The following SUGCT variants were observed in gnomAD, a reference collection of about 807,000 sequenced individuals.
The protein encoded by SUGCT is succinyl-CoA:glutarate CoA-transferase.
Under a neutral mutation model 55.0 loss-of-function variants are expected in SUGCT, and 41 were observed. The ratio of observed to expected loss-of-function variants is 0.74; its 90% CI spans 0.58 to 0.97. The LOEUF (loss-of-function observed/expected upper bound fraction) is 0.97, where lower values mean the gene tolerates loss of function less well. SUGCT is among the 50% of genes least tolerant of loss of function. SUGCT has a pLI of 0.00. For synonymous variants in SUGCT, 187 were observed against 200.4 expected (o/e 0.93, Z 0.56); for missense variants, 568 against 547.8 (o/e 1.04, Z -0.37).
At chr7:41,024,457 A>G in the SUGCT span, among the ~76,000 whole-genome samples, 1 of 152,192 alleles carries the variant, frequency 6.6e-6, no homozygotes, top group South Asian at 2.1e-4. Context: ...ACCAACAAAG[A>G]ATCCATATCT....
At chr7:40,621,372 G>A (rs548960036) in intron 12 of SUGCT, among the ~76,000 whole-genome samples, 2 of 152,312 alleles carry the variant, frequency 1.3e-5, no homozygotes, top group Admixed American at 1.3e-4. Context: ...ATCAGCCAGT[G>A]TGGATATTCT....
At chr7:40,505,117 A>C (rs1792515369) in intron 12 of SUGCT, among the ~76,000 whole-genome samples, 3 of 152,144 alleles carry the variant, frequency 2.0e-5, no homozygotes. Context: ...GTATGAAGGT[A>C]TCTCTAATTC....
At chr7:40,452,595 G>A (rs1301922369) in intron 10 of SUGCT, among the ~76,000 whole-genome samples, 1 of 152,090 alleles carries the variant, frequency 6.6e-6, no homozygotes, top group Non-Finnish European at 1.5e-5. Flanking sequence ...AAGTCTTATT[G>A]GTAGGTGAAC....
intron 13 of SUGCT, among the ~76,000 whole-genome samples, chr7:40,843,355 C>A: frequency 6.6e-6 from 1 of 151,694 alleles, no homozygotes; most frequent in Non-Finnish European, 1.5e-5. Flanking sequence ...ACTAAAAATA[C>A]CAAAATTAGC....
At chr7:40,849,834 A>T (rs897431335) in intron 13 of SUGCT, among the ~76,000 whole-genome samples, 1 of 152,146 alleles carries the variant, frequency 6.6e-6, no homozygotes, top group Middle Eastern at 3.4e-3. Flanking sequence ...TGACTCAGGT[A>T]ACTTTCGACA....
intron 12 of SUGCT, among the ~76,000 whole-genome samples, chr7:40,634,860 TATGA>T (rs1799951686): frequency 6.6e-6 from 1 of 152,220 alleles, no homozygotes; most frequent in African/African-American, 2.4e-5. Context: ...TTGAAATTAA[TATGA>T]ATGAATACAG....
the SUGCT span, among the ~76,000 whole-genome samples, chr7:40,999,550 A>G: frequency 3.9e-5 from 6 of 152,210 alleles, no homozygotes; most frequent in East Asian, 9.6e-4. Flanking sequence ...CCTCGCATGT[A>G]CTTATAACAC....
chr7:40,575,964 AAAAG>A (rs1037941925), intron 12 of SUGCT, among the ~76,000 whole-genome samples: 17 of 152,084 alleles, frequency 1.1e-4, no homozygotes, highest in East Asian at 1.9e-4. Flanking sequence ...AAAAAAAAGA[AAAAG>A]AAAGAGTTGT....
chr7:40,548,280 A>T (rs1412062154), intron 12 of SUGCT, among the ~76,000 whole-genome samples: 2 of 144,042 alleles, frequency 1.4e-5, no homozygotes, highest in Non-Finnish European at 3.0e-5. Flanking sequence ...CTTCGAACTC[A>T]TGGGCTCAAA....
At chr7:40,408,722 G>T (rs1408422652) in intron 9 of SUGCT, among the ~76,000 whole-genome samples, 2 of 151,996 alleles carry the variant, frequency 1.3e-5, no homozygotes, top group African/African-American at 4.8e-5. Context: ...TTGGAAATTT[G>T]GAGAGCTCAG....
chr7:40,589,893 C>T lies in SUGCT; in HGVS notation c.1089+93507C>T, dbSNP rs569385434. On this transcript the variant is annotated intron_variant, in intron 12 of 13. Coordinates refer to ENST00000335693, the MANE Select transcript of SUGCT (RefSeq NM_001193313.2). The stretch of plus-strand genomic sequence containing the variant: ...GCTCATTTCTAACTACAAGGAATGC[C>T]TCATTTCATTGTACTTCACTTAATT... Among the ~76,000 whole-genome samples, 5 of 152,242 alleles carry T rather than the reference C, an allele frequency of 3.3e-5. No homozygotes were observed. In the East Asian group the frequency reaches 9.6e-4, roughly 29 times the overall value.
At chr7:40,502,425 A>C (rs114335982) in intron 12 of SUGCT, among the ~76,000 whole-genome samples, 193 of 152,188 alleles carry the variant, frequency 1.3e-3, no homozygotes, top group African/African-American at 4.4e-3. Context: ...CTTTACAATA[A>C]AAATCTAATG....
intron 9 of SUGCT, among the ~76,000 whole-genome samples, chr7:40,448,161 T>C (rs1788950266): frequency 6.6e-6 from 1 of 151,814 alleles, no homozygotes; most frequent in Non-Finnish European, 1.5e-5. Context: ...TACATTTGAG[T>C]TCTTGAAAGA....
intron 11 of SUGCT, among the ~76,000 whole-genome samples, chr7:40,462,891 T>A (rs1324590159): frequency 6.6e-6 from 1 of 152,208 alleles, no homozygotes; most frequent in Non-Finnish European, 1.5e-5. Context: ...TTTTTCATAA[T>A]AACCACTTAA....
At chr7:40,373,919 G>A (rs1356388258) in intron 9 of SUGCT, among the ~76,000 whole-genome samples, 1 of 151,960 alleles carries the variant, frequency 6.6e-6, no homozygotes, top group South Asian at 2.1e-4. Flanking sequence ...ATTTTCTTTT[G>A]TCCCCAATTT....
chr7:40,478,489 C>T (rs1401294074), intron 11 of SUGCT, among the ~76,000 whole-genome samples: 119 of 152,134 alleles, frequency 7.8e-4, no homozygotes, highest in Non-Finnish European at 1.5e-5. Context: ...ATGATGGAGA[C>T]AAATCCTGGC....
chr7:40,601,918 G>C (rs1192834363), intron 12 of SUGCT, among the ~76,000 whole-genome samples: 2 of 152,056 alleles, frequency 1.3e-5, no homozygotes, highest in African/African-American at 4.8e-5. Flanking sequence ...TCTAAAAAAG[G>C]ATTGCCCTTT....
intron 12 of SUGCT, among the ~76,000 whole-genome samples, chr7:40,603,458 A>G (rs144667858): frequency 2.0e-5 from 3 of 152,326 alleles, no homozygotes; most frequent in Non-Finnish European, 2.9e-5. Context: ...GTCTAGTACA[A>G]TGGATTAAAT....
At chr7:40,324,350 A>G (rs1795916595) in intron 9 of SUGCT, among the ~76,000 whole-genome samples, 3 of 151,040 alleles carry the variant, frequency 2.0e-5, no homozygotes, top group African/African-American at 4.9e-5. Context: ...CCACCTCCCA[A>G]GTTCAAGCAA....
Sources: allele counts gnomAD v4.1 joint callset (sites outside exome capture counted in the v4.1 genomes callset), GRCh38; gene constraint gnomAD v4.1.1; transcripts MANE v1.5; gene names NCBI Gene and HGNC (gene_info 2026-07-23, HGNC 2026-07-21).